Variants in CDON observed in about 807,000 individuals in gnomAD.
CDON encodes the protein cell adhesion associated, oncogene regulated.
In CDON, 73 loss-of-function variants were observed where a neutral mutation model predicts 120.9. The observed-to-expected ratio is 0.60, with a 90% CI of 0.50 to 0.73. The LOEUF (loss-of-function observed/expected upper bound fraction) is 0.73. CDON is among the 30% of genes least tolerant of loss of function. The pLI, the probability that CDON is intolerant of heterozygous loss-of-function variation, is 0.00. For missense variants in CDON, 1,470 were observed against 1,587.3 expected, an observed-to-expected ratio of 0.93 and a Z score of 1.26; for synonymous variants, 566 against 573.5, an observed-to-expected ratio of 0.99 and a Z score of 0.19.
chr11:125,982,177 T>G lies in CDON; in HGVS notation c.2996-848A>C, dbSNP rs191075106. Among the ~76,000 whole-genome samples, 209 of 151,964 alleles carry G rather than the reference T, an allele frequency of 1.4e-3. 1 individual carries two copies. Among genetic ancestry groups the G allele is most frequent in the Non-Finnish European group, 1.9e-4 (13 of 67,980 alleles). On this transcript the variant is annotated intron_variant, in intron 16 of 19. Coordinates refer to ENST00000531738, the MANE Select transcript of CDON (RefSeq NM_001378964.1). ...TTTTAGTAGAGACAGGGTTTCACCG[T>G]GCTAGCCAGGTTGGTTTCGATCTCC...
intron 1 of CDON, among the ~76,000 whole-genome samples, chr11:126,043,983 G>C (rs1309459635): frequency 6.6e-6 from 1 of 152,202 alleles, no homozygotes; most frequent in East Asian, 1.9e-4. Context: ...GTGCCCAGGT[G>C]CATTTGCATT....
chr11:126,025,369 A>G (rs899256137), intron 1 of CDON, among the ~76,000 whole-genome samples: 3 of 152,178 alleles, frequency 2.0e-5, no homozygotes, highest in African/African-American at 4.8e-5. Flanking sequence ...TTCAGTGGAG[A>G]AAAGACAAAA....
chr11:126,025,351 A>C (rs1396789310), intron 1 of CDON, among the ~76,000 whole-genome samples: 8 of 152,224 alleles, frequency 5.3e-5, no homozygotes, highest in Admixed American at 5.2e-4. Flanking sequence ...GGTATTGACA[A>C]GACTGGTTTC....
chr11:126,019,868 T>G (rs1947583663), intron 3 of CDON, 103 bp from the exon 4 acceptor site: 1 of 1,019,292 alleles, frequency 9.8e-7, no homozygotes, highest in African/African-American at 1.6e-5. Context: ...CACGGCCTTT[T>G]GTGGCAGCTG....
Position 125,961,816 on chromosome 11 carries a change from A to C in CDON, c.3539T>G (p.Val1180Gly). The C allele has an allele frequency of 6.2e-7, 1 of 1,614,184 alleles. No individual in the cohort carries two copies. The highest frequency in any genetic ancestry group is 8.5e-7 in the Non-Finnish European group (1 of 1,180,026). The change falls in exon 19 of 20, where the codon GTG becomes GGG. Residue 1180 changes from valine to glycine, a missense_variant. Transcript: ENST00000531738. The part of the protein sequence containing the change: ...QLPEESVKDN[V>G]EPVPTQRTCC... ...GGTACGCTGAGTAGGGACTGGTTCCACATTGTCCTTGACGCTCTCCTCCGG... is the reference window on the plus strand; with the variant it reads ...GGTACGCTGAGTAGGGACTGGTTCCCCATTGTCCTTGACGCTCTCCTCCGG...
chr11:126,037,140 GC>G (rs1171091179), intron 1 of CDON, among the ~76,000 whole-genome samples: 3 of 149,090 alleles, frequency 2.0e-5, no homozygotes, highest in African/African-American at 7.4e-5. Context: ...TCTCTCTGTT[GC>G]CCAGGCTGGA....
intron 18 of CDON, among the ~76,000 whole-genome samples, chr11:125,963,063 AC>A (rs1945690546): frequency 6.6e-6 from 1 of 152,016 alleles, no homozygotes; most frequent in African/African-American, 2.4e-5. Context: ...TGTTAGCATC[AC>A]ACTCAGTTCT....
intron 1 of CDON, among the ~76,000 whole-genome samples, chr11:126,059,567 A>G (rs1043282321): frequency 1.4e-5 from 2 of 148,008 alleles, no homozygotes; most frequent in Admixed American, 1.4e-4. Flanking sequence ...AAGGCACTGC[A>G]GGGCAGAAAT....
chr11:126,033,494 A>C lies in CDON; in HGVS notation c.-61-9957T>G, dbSNP rs971035334. Reference sequence around the variant, plus strand: ...CAAAATAAACCACACTATCAATACTACTAATGAAAAAGTTTTAAAGCAAAA... The same window carrying C: ...CAAAATAAACCACACTATCAATACTCCTAATGAAAAAGTTTTAAAGCAAAA... On this transcript the variant is annotated intron_variant, in intron 1 of 19. Coordinates refer to ENST00000531738, the MANE Select transcript of CDON (RefSeq NM_001378964.1). 2.0e-5 allele frequency among the ~76,000 whole-genome samples: 3 copies of C among 152,164 alleles called. No individual in the cohort carries two copies. In the East Asian group the frequency reaches 5.8e-4, roughly 29 times the overall value.
At chr11:125,980,938 G>C (rs1044691596) in intron 17 of CDON, 111 bp downstream of exon 17, 1 of 1,085,434 alleles carries the variant, frequency 9.2e-7, no homozygotes, top group Non-Finnish European at 1.4e-6. Context: ...GTTTCCATTC[G>C]AGGAAACTTG....
intron 1 of CDON, among the ~76,000 whole-genome samples, chr11:126,043,069 T>C (rs898827275): frequency 6.6e-6 from 1 of 152,212 alleles, no homozygotes; most frequent in African/African-American, 2.4e-5. Flanking sequence ...GCTACTCGCT[T>C]TGACCTTTTC....
At chr11:125,976,615 ACAAACACAC>A (rs1946157092) in intron 18 of CDON, among the ~76,000 whole-genome samples, 2 of 87,086 alleles carry the variant, frequency 2.3e-5, no homozygotes, top group Non-Finnish European at 4.8e-5. Context: ...ACACACACAC[ACAAACACAC>A]ACACACACAC....
Position 126,006,068 on chromosome 11 carries a change from A to G in CDON, c.1553-11T>C, listed in dbSNP as rs895773664. 6.2e-7 allele frequency: 1 copy of G among 1,612,194 alleles called. No individual in the cohort carries two copies. The highest frequency in any genetic ancestry group is 8.5e-7 in the Non-Finnish European group (1 of 1,179,184). ...TTGTTTCAAAAGGAACTGCAGGGAGAGAGAGAGGAGACAGCTTGAAGATAC... is the reference window on the plus strand; with the variant it reads ...TTGTTTCAAAAGGAACTGCAGGGAGGGAGAGAGGAGACAGCTTGAAGATAC... On this transcript the variant is annotated splice_polypyrimidine_tract_variant and intron_variant, in intron 8 of 19. Transcript: ENST00000531738.
At chr11:126,004,447 T>C (rs923879353) in intron 9 of CDON, 1 of 265,520 alleles carries the variant, frequency 3.8e-6, no homozygotes, top group Non-Finnish European at 7.4e-6. Flanking sequence ...GGTAATTATA[T>C]AATACACATA....
Position 126,034,734 on chromosome 11 carries a change from T to G in CDON, c.-61-11197A>C, listed in dbSNP as rs1948047649. ...CTAAAAAGCAGCGTGAGAGAGATTATTAAAAAGACAAAATATAGAAAATTT... is the reference window on the plus strand; with the variant it reads ...CTAAAAAGCAGCGTGAGAGAGATTAGTAAAAAGACAAAATATAGAAAATTT... On this transcript the variant is annotated intron_variant, in intron 1 of 19. Coordinates refer to ENST00000531738, the MANE Select transcript of CDON (RefSeq NM_001378964.1). The surrounding 1 kb of genome is among the most constrained non-coding windows in gnomAD (Gnocchi z 4.5). Among the ~76,000 whole-genome samples the G allele has an allele frequency of 6.6e-6, 1 of 152,162 alleles. No homozygotes were observed. The highest frequency in any genetic ancestry group is 6.5e-5 in the Admixed American group (1 of 15,280).
chr11:126,033,796 T>C (rs1245225638), intron 1 of CDON, among the ~76,000 whole-genome samples: 1 of 152,154 alleles, frequency 6.6e-6, no homozygotes, highest in Admixed American at 6.5e-5. Flanking sequence ...AACAGAGTGC[T>C]ACAAGTCTAG....
intron 1 of CDON, among the ~76,000 whole-genome samples, chr11:126,037,709 A>C (rs1948138150): frequency 6.6e-6 from 1 of 152,178 alleles, no homozygotes; most frequent in Non-Finnish European, 1.5e-5. Context: ...TTTCTAAAAC[A>C]ATATATTTAA....
intron 11 of CDON, among the ~76,000 whole-genome samples, chr11:126,000,986 A>G (rs891705505): frequency 1.3e-5 from 2 of 152,242 alleles, no homozygotes; most frequent in Admixed American, 1.3e-4. Flanking sequence ...TGAAAATTAT[A>G]CAGCTAAGAC....
At position 125,976,069 on chromosome 11, in the gene CDON, T is replaced by C. The variant is rs570903701; in HGVS notation, c.3356+2235A>G. On this transcript the variant is annotated intron_variant, in intron 18 of 19. Transcript: ENST00000531738. Reference sequence around the variant, plus strand: ...ATGTCGATATTCTAAAAGCATAAATTGACTATAATTTTCTATATTTTGAGA... The same window carrying C: ...ATGTCGATATTCTAAAAGCATAAATCGACTATAATTTTCTATATTTTGAGA... 9.2e-5 allele frequency among the ~76,000 whole-genome samples: 14 copies of C among 152,330 alleles called. No homozygotes were observed. The East Asian group carries it at 2.7e-3, about 29-fold the overall frequency.
Sources: allele counts gnomAD v4.1 joint callset (sites outside exome capture counted in the v4.1 genomes callset), GRCh38; gene constraint gnomAD v4.1.1; non-coding constraint Gnocchi (gnomAD v3.1); transcripts MANE v1.5; gene names NCBI Gene and HGNC (gene_info 2026-07-23, HGNC 2026-07-21).